NECTIN2: variants seen among roughly 807,000 people sequenced by gnomAD.
NECTIN2 encodes nectin cell adhesion molecule 2, also known as nectin-2.
A neutral mutation model predicts 56.9 loss-of-function variants in NECTIN2; 23 were observed. The ratio of observed to expected loss-of-function variants is 0.40; its 90% CI spans 0.29 to 0.57. NECTIN2 has a LOEUF of 0.57. NECTIN2 is among the 20% of genes least tolerant of loss of function. The pLI, the probability that NECTIN2 is intolerant of heterozygous loss-of-function variation, is 0.38. For synonymous variants in NECTIN2, 302 were observed against 313.8 expected, an observed-to-expected ratio of 0.96 and a Z score of 0.40; for missense variants, 587 against 718.3, an observed-to-expected ratio of 0.82 and a Z score of 2.09.
At chr19:44,880,949 T>C (rs1969301513) in intron 5 of NECTIN2, among the ~76,000 whole-genome samples, 1 of 151,926 alleles carries the variant, frequency 6.6e-6, no homozygotes. Flanking sequence ...ACATTTTGTA[T>C]TTTTAGTAGA....
chr19:44,847,266 AG>A (rs1484929842), intron 1 of NECTIN2, among the ~76,000 whole-genome samples: 2 of 152,168 alleles, frequency 1.3e-5, no homozygotes, highest in African/African-American at 4.8e-5. Flanking sequence ...CAGAAAAATT[AG>A]GGGCCGGGGG....
In NECTIN2 at chr19:44,888,997, C is replaced by T. The variant is rs6857; in HGVS notation, c.*618C>T. 0.13 allele frequency: 19,200 copies of T among 152,328 alleles called. 1,378 individuals carry two copies. Among genetic ancestry groups the T allele is most frequent in the Non-Finnish European group, 0.16 (10,975 of 68,360 alleles). 9.4% of individuals were successfully genotyped at this position (152,328 alleles called of 1,614,324 possible). A position where few individuals can be genotyped will look rare whatever the true frequency, so the allele number is the denominator to read the frequency against. On this transcript the variant is annotated 3_prime_UTR_variant, in exon 9 of 9. Coordinates refer to ENST00000252483, the MANE Select transcript of NECTIN2 (RefSeq NM_001042724.2). ...TGCCTACCAAGCAAGCAGCCCCAGCCTAGGGTCAGACAGGGTGAGCCTCAT... is the reference window on the plus strand; with the variant it reads ...TGCCTACCAAGCAAGCAGCCCCAGCTTAGGGTCAGACAGGGTGAGCCTCAT...
At chr19:44,851,731 C>CCATAG (rs1968901829) in intron 1 of NECTIN2, among the ~76,000 whole-genome samples, 1 of 152,220 alleles carries the variant, frequency 6.6e-6, no homozygotes, top group Admixed American at 6.5e-5. Flanking sequence ...GGCTGGTGTT[C>CCATAG]CCATGGCCAC....
intron 8 of NECTIN2, 97 bp from the exon 9 acceptor site, chr19:44,888,013 G>T: frequency 7.5e-7 from 1 of 1,333,632 alleles, no homozygotes; most frequent in East Asian, 2.3e-5. Context: ...GTTGGCATGG[G>T]GAGAGAGCGG....
Position 44,850,681 on chromosome 19 carries a change from CA to C in NECTIN2, c.88+4069del, listed in dbSNP as rs556039433. ...ACAAAACACACGGATTAGAGGAGGC[CA>C]GGGGGCAGGTGCAGAAATCCAGGCA... On this transcript the variant is annotated intron_variant, in intron 1 of 8. Transcript: ENST00000252483. Among the ~76,000 whole-genome samples the C allele has an allele frequency of 2.0e-3, 307 of 152,192 alleles. 2 individuals are homozygous for C. Among genetic ancestry groups the C allele is most frequent in the Middle Eastern group, 6.8e-3 (2 of 294 alleles).
intron 2 of NECTIN2, among the ~76,000 whole-genome samples, chr19:44,870,754 CAG>C (rs1396260392): frequency 1.4e-5 from 2 of 142,194 alleles, no homozygotes; most frequent in East Asian, 4.2e-4. Context: ...CTTTTGGAGA[CAG>C]AGTCTCACTG....
intron 5 of NECTIN2, chr19:44,878,860 C>T (rs1568598406): frequency 3.8e-6 from 5 of 1,303,298 alleles, no homozygotes; most frequent in Non-Finnish European, 3.9e-6. Context: ...GACCCCCGCC[C>T]CCAGAGACTT....
intron 5 of NECTIN2, chr19:44,878,770 G>A (rs1422586864): frequency 2.8e-6 from 4 of 1,431,734 alleles, no homozygotes; most frequent in Non-Finnish European, 3.6e-6. Context: ...TTGGAGGGAG[G>A]TGGAACAGCA....
chr19:44,881,673 C>T (rs1026562058), intron 5 of NECTIN2, among the ~76,000 whole-genome samples: 5 of 152,046 alleles, frequency 3.3e-5, no homozygotes, highest in African/African-American at 1.2e-4. Flanking sequence ...GGTGACAAAG[C>T]GAGACCGTCT....
At position 44,865,368 on chromosome 19, in the gene NECTIN2, A is replaced by G; in HGVS notation, c.186A>G (p.Gly62=). 6.2e-7 allele frequency: 1 copy of G among 1,614,118 alleles called. No individual in the cohort carries two copies. The highest frequency in any genetic ancestry group is 1.3e-5 in the African/African-American group (1 of 75,006). Residue 62 remains glycine (G), a synonymous_variant, in exon 2 of 9, where the codon GGA becomes GGG. Coordinates refer to ENST00000252483, the MANE Select transcript of NECTIN2 (RefSeq NM_001042724.2). This position sits in a 1 kb window ranked among gnomAD's most constrained non-coding sequence, Gnocchi z 5.2. The part of the protein sequence containing the change: ...LPCHLLPPVP[G]LYISLVTWQR... ...GCCACCTGCTGCCACCTGTTCCTGG[A>G]CTGTACATCTCCCTGGTGACCTGGC...
At chr19:44,864,011 T>TG (rs1555786367) in intron 1 of NECTIN2, among the ~76,000 whole-genome samples, 8 of 50,322 alleles carry the variant, frequency 1.6e-4, no homozygotes, top group East Asian at 1.5e-3. Flanking sequence ...TTTCAGAGGA[T>TG]TCCCCCCCCC....
At chr19:44,871,679 CAAG>C (rs985318214) in intron 2 of NECTIN2, among the ~76,000 whole-genome samples, 171 bp from the exon 3 acceptor site, 104 of 152,310 alleles carry the variant, frequency 6.8e-4, no homozygotes, top group Middle Eastern at 3.4e-3. Flanking sequence ...TTTTACAAAA[CAAG>C]AAACAGCTAC....
At chr19:44,878,351 A>T (rs1969266093) in intron 5 of NECTIN2, 2 of 1,550,438 alleles carry the variant, frequency 1.3e-6, no homozygotes, top group African/African-American at 2.7e-5. Flanking sequence ...GAGGAGGAGG[A>T]GGAAGAGCCC....
At position 44,874,311 on chromosome 19, in the gene NECTIN2, T is replaced by C; in HGVS notation, c.894-19T>C. On this transcript the variant is annotated intron_variant, in intron 4 of 8. Coordinates refer to ENST00000252483, the MANE Select transcript of NECTIN2 (RefSeq NM_001042724.2). The surrounding 1 kb of genome is among the most constrained non-coding windows in gnomAD (Gnocchi z 6.3). ...TCTCGACCTTGGTATCCCTCTCACC[T>C]GACCCCACACCCCTCCAGGACCTCA... 1 of 1,613,102 alleles carries C rather than the reference T, an allele frequency of 6.2e-7. No homozygotes were observed. The highest frequency in any genetic ancestry group is 1.3e-5 in the African/African-American group (1 of 75,032).
At position 44,873,905 on chromosome 19, in the gene NECTIN2, A is replaced by T. The variant is rs769262334; in HGVS notation, c.776-11A>T. ...TCCTCCTTGCTGATCCAGTCCCCCC[A>T]TTTCCCCCAGACCCTCCTGAAGTGT... On this transcript the variant is annotated splice_polypyrimidine_tract_variant and intron_variant, in intron 3 of 8. Transcript: ENST00000252483. The T allele has an allele frequency of 6.3e-7, 1 of 1,598,282 alleles. No individual in the cohort carries two copies. The highest frequency in any genetic ancestry group is 1.7e-5 in the Admixed American group (1 of 59,628).
At position 44,865,517 on chromosome 19, in the gene NECTIN2, C is replaced by G. The variant is rs1483357501; in HGVS notation, c.335C>G (p.Thr112Ser). 6.3e-7 allele frequency: 1 copy of G among 1,595,040 alleles called. No individual in the cohort carries two copies. Among genetic ancestry groups the G allele is most frequent in the Non-Finnish European group, 8.5e-7 (1 of 1,171,512 alleles). Residue 112 changes from threonine to serine, a missense_variant, in exon 2 of 9, where the codon ACT becomes AGT. Transcript: ENST00000252483. The surrounding 1 kb of genome is among the most constrained non-coding windows in gnomAD (Gnocchi z 5.2). ...RLSFVSAKQS[T>S]GQDTEAELQD... ...TCCTTCGTCTCTGCCAAGCAGAGCA[C>G]TGGGCAAGACACAGAGGCAGAGCTC...
chr19:44,873,734 C>T (rs1969203597), intron 3 of NECTIN2, among the ~76,000 whole-genome samples, 182 bp from the exon 4 acceptor site: 1 of 152,174 alleles, frequency 6.6e-6, no homozygotes, highest in Non-Finnish European at 1.5e-5. Context: ...AGTGGTTTCC[C>T]TGAACAGTGT....
chr19:44,852,029 G>T (rs538563924), intron 1 of NECTIN2, among the ~76,000 whole-genome samples: 1 of 151,812 alleles, frequency 6.6e-6, no homozygotes, highest in Non-Finnish European at 1.5e-5. Flanking sequence ...TTCCAATCTC[G>T]CCATCCTCCG....
chr19:44,853,730 G>A (rs932445513), intron 1 of NECTIN2, among the ~76,000 whole-genome samples: 3 of 152,206 alleles, frequency 2.0e-5, no homozygotes, highest in Non-Finnish European at 2.9e-5. Flanking sequence ...CTCGTGATCC[G>A]CCCTCCTCGG....
Sources: gnomAD v4.1 joint callset for allele counts (sites outside exome capture counted in the v4.1 genomes callset) on GRCh38, gnomAD v4.1.1 for gene constraint, Gnocchi (gnomAD v3.1) non-coding constraint, MANE v1.5 for transcripts, NCBI Gene and HGNC (gene_info 2026-07-23, HGNC 2026-07-21) for gene names.